RAB1B: variants seen among roughly 807,000 people sequenced by gnomAD.
RAB1B encodes RAB1B, member RAS oncogene family, also known as ras-related protein Rab-1B.
In RAB1B, 10 loss-of-function variants were observed where a neutral mutation model predicts 24.8. That is an observed-to-expected ratio of 0.40 (90% CI 0.25 to 0.68). RAB1B has a LOEUF of 0.68. Among genes scored for constraint, RAB1B ranks in the 30% least tolerant of loss-of-function variants. The pLI is 0.37. For synonymous variants in RAB1B, 99 were observed against 111.7 expected (o/e 0.89, Z 0.72); for missense variants, 154 against 271.2 (o/e 0.57, Z 3.04).
chr11:66,276,367 C>G lies in RAB1B; in HGVS notation c.*129C>G. The G allele has an allele frequency of 1.1e-6, 1 of 894,618 alleles. No individual in the cohort carries two copies. Among genetic ancestry groups the G allele is most frequent in the Non-Finnish European group, 1.6e-6 (1 of 616,730 alleles). 55.4% of individuals were successfully genotyped at this position (894,618 alleles called of 1,614,324 possible). A position where few individuals can be genotyped will look rare whatever the true frequency, so the allele number is the denominator to read the frequency against. ...GTGGCTTTGGGGTGTCCTGGGCTCC[C>G]CATCTCCTTCTGGCCCATCTGCCTG... On this transcript the variant is annotated 3_prime_UTR_variant, in exon 6 of 6. Coordinates refer to ENST00000311481, the MANE Select transcript of RAB1B (RefSeq NM_030981.3).
chr11:66,271,782 A>T lies in RAB1B; in HGVS notation c.15-15A>T. Reference sequence around the variant, plus strand: ...TCCCTGCCTCCCTTCACGCCTTCCCATCTTCTCTCTCCAGTGACTACCTGT... The same window carrying T: ...TCCCTGCCTCCCTTCACGCCTTCCCTTCTTCTCTCTCCAGTGACTACCTGT... On this transcript the variant is annotated splice_polypyrimidine_tract_variant and intron_variant, in intron 1 of 5. Transcript: ENST00000311481. The T allele has an allele frequency of 6.2e-7, 1 of 1,611,182 alleles. No individual in the cohort carries two copies. Among genetic ancestry groups the T allele is most frequent in the Non-Finnish European group, 8.5e-7 (1 of 1,177,370 alleles).
At chr11:66,269,043 A>C (rs1412205147) in intron 1 of RAB1B, among the ~76,000 whole-genome samples, 2 of 151,602 alleles carry the variant, frequency 1.3e-5, no homozygotes, top group African/African-American at 4.9e-5. Flanking sequence ...ACTGTCCCGG[A>C]GTTTTGGAGC....
At chr11:66,269,161 C>T (rs963563103) in intron 1 of RAB1B, among the ~76,000 whole-genome samples, 3 of 152,216 alleles carry the variant, frequency 2.0e-5, no homozygotes, top group South Asian at 4.1e-4. Flanking sequence ...GGGGCCGGCC[C>T]AGAAGCTAGC....
rs770201940 is a variant in RAB1B at position 66,275,922 on chromosome 11, A to C, written c.398A>C (p.Asn133Thr). The C allele has an allele frequency of 1.6e-5, 25 of 1,611,482 alleles. No homozygotes were observed. The highest frequency in any genetic ancestry group is 1.6e-5 in the Non-Finnish European group (19 of 1,179,302). Reference protein sequence around the residue: ...SDLTTKKVVDNTTAKEFADSL... With the variant: ...SDLTTKKVVDTTTAKEFADSL... ...CTCACCACCAAGAAGGTGGTGGACAACACCACAGCCAAGGTAGCAGACGGG... is the reference window on the plus strand; with the variant it reads ...CTCACCACCAAGAAGGTGGTGGACACCACCACAGCCAAGGTAGCAGACGGG... Residue 133 changes from asparagine (N) to threonine (T), a missense_variant, in exon 5 of 6, where the codon AAC becomes ACC. Coordinates refer to ENST00000311481, the MANE Select transcript of RAB1B (RefSeq NM_030981.3).
At chr11:66,273,982 ATTTAT>A (rs1857101836) in intron 4 of RAB1B, among the ~76,000 whole-genome samples, 1 of 151,950 alleles carries the variant, frequency 6.6e-6, no homozygotes, top group Non-Finnish European at 1.5e-5. Flanking sequence ...TAATATTTTT[ATTTAT>A]TTTAAGACAT....
At chr11:66,269,604 T>C (rs1056932824) in intron 1 of RAB1B, among the ~76,000 whole-genome samples, 1 of 152,152 alleles carries the variant, frequency 6.6e-6, no homozygotes. Context: ...CTGAGCTGGA[T>C]TGGGAGGGGA....
At chr11:66,271,573 G>A (rs1857058057) in intron 1 of RAB1B, 1 of 425,298 alleles carries the variant, frequency 2.4e-6, no homozygotes, top group South Asian at 3.2e-5. Flanking sequence ...AGGAAGCTGA[G>A]GTGGGAAGAT....
chr11:66,268,727 C>G lies in RAB1B; in HGVS notation c.14+34C>G, dbSNP rs1362725302. The G allele has an allele frequency of 3.2e-6, 5 of 1,555,000 alleles. No homozygotes were observed. In the African/African-American group the frequency reaches 6.9e-5, roughly 21 times the overall value. On this transcript the variant is annotated intron_variant, in intron 1 of 5. Transcript: ENST00000311481. ...GCCCCGCCCGCGCCGTCCAGCGCAG[C>G]CTCGATCCCGAATACAGGGCTGTAC... is the stretch of plus-strand genomic sequence containing the variant.
At chr11:66,272,602 A>AG (rs1378950441) in intron 4 of RAB1B, 142 bp downstream of exon 4, 3 of 581,006 alleles carry the variant, frequency 5.2e-6, no homozygotes, top group Non-Finnish European at 9.0e-6. Context: ...ACTAGGAAAA[A>AG]GAAAAAAAAT....
intron 4 of RAB1B, among the ~76,000 whole-genome samples, chr11:66,275,221 C>T (rs914407188): frequency 2.4e-4 from 36 of 152,136 alleles, no homozygotes; most frequent in Admixed American, 2.2e-3. Flanking sequence ...AAGTCCTGTC[C>T]TTTGTGTGTG....
intron 1 of RAB1B, chr11:66,270,714 C>T (rs77742929): frequency 0.017 from 2,625 of 152,448 alleles, 88 homozygotes; most frequent in African/African-American, 0.061. Context: ...AGCACCCAGC[C>T]ATCAGTCTCT....
At chr11:66,268,832 A>G (rs978034023) in intron 1 of RAB1B, 139 bp downstream of exon 1, 3 of 404,758 alleles carry the variant, frequency 7.4e-6, no homozygotes, top group Admixed American at 1.2e-4. Flanking sequence ...ACCCCCCCCC[A>G]CATCCGGGTT....
Position 66,272,476 on chromosome 11 carries a change from C to T in RAB1B, c.279+16C>T. The T allele has an allele frequency of 1.3e-6, 2 of 1,537,718 alleles. No homozygotes were observed. The highest frequency in any genetic ancestry group is 8.8e-7 in the Non-Finnish European group (1 of 1,132,774). On this transcript the variant is annotated intron_variant, in intron 4 of 5. Transcript: ENST00000311481. Reference sequence around the variant, plus strand: ...CACTGACCAGGTACTCCTGGACTAGCCATCCTCAGCTTGGCCTCCTTAGCC... The same window carrying T: ...CACTGACCAGGTACTCCTGGACTAGTCATCCTCAGCTTGGCCTCCTTAGCC...
At chr11:66,268,822 A>ACAC (rs1555003525) in intron 1 of RAB1B, 129 bp downstream of exon 1, 31 of 622,568 alleles carry the variant, frequency 5.0e-5, no homozygotes, top group Admixed American at 3.1e-4. Context: ...TCTTCCGCTG[A>ACAC]CCCCCCCCCA....
At chr11:66,274,318 T>G (rs1311181821) in intron 4 of RAB1B, among the ~76,000 whole-genome samples, 2 of 152,212 alleles carry the variant, frequency 1.3e-5, no homozygotes, top group African/African-American at 2.4e-5. Flanking sequence ...GCACTTGTTA[T>G]GAGACAAGCC....
In RAB1B at chr11:66,271,780, C is replaced by T. The variant is rs758338009; in HGVS notation, c.15-17C>T. 24 of 1,609,842 alleles carry T rather than the reference C, an allele frequency of 1.5e-5. No homozygotes were observed. The highest frequency in any genetic ancestry group is 1.6e-4 in the Middle Eastern group (1 of 6,082). ...GCTCCCTGCCTCCCTTCACGCCTTC[C>T]CATCTTCTCTCTCCAGTGACTACCT... is the stretch of plus-strand genomic sequence containing the variant. On this transcript the variant is annotated splice_polypyrimidine_tract_variant and intron_variant, in intron 1 of 5. Coordinates refer to ENST00000311481, the MANE Select transcript of RAB1B (RefSeq NM_030981.3).
At chr11:66,270,850 C>A (rs1590883909) in intron 1 of RAB1B, 1 of 152,252 alleles carries the variant, frequency 6.6e-6, no homozygotes, top group Non-Finnish European at 1.5e-5. Flanking sequence ...CCTACTGGAC[C>A]AAACCATGAA....
At chr11:66,271,555 A>T in intron 1 of RAB1B, 1 of 330,850 alleles carries the variant, frequency 3.0e-6, no homozygotes, top group Admixed American at 4.5e-5. Flanking sequence ...CTGAAGTCCC[A>T]GCTACGCAGG....
At chr11:66,269,146 CT>C (rs1857006796) in intron 1 of RAB1B, among the ~76,000 whole-genome samples, 1 of 152,126 alleles carries the variant, frequency 6.6e-6, no homozygotes, top group Admixed American at 6.5e-5. Flanking sequence ...TGAAGCCCGG[CT>C]CCTGGGGCCG....
Sources: allele counts gnomAD v4.1 joint callset (sites outside exome capture counted in the v4.1 genomes callset), GRCh38; gene constraint gnomAD v4.1.1; transcripts MANE v1.5; gene names NCBI Gene and HGNC (gene_info 2026-07-23, HGNC 2026-07-21).